Variants in SORCS3 observed in about 807,000 individuals in gnomAD.
SORCS3 encodes the protein VPS10 domain-containing receptor SorCS3.
SORCS3 carries 57 observed loss-of-function variants against 146.3 expected under a neutral mutation model. The ratio of observed to expected loss-of-function variants is 0.39; its 90% confidence interval spans 0.31 to 0.49. The LOEUF is 0.49. Among genes scored for constraint, SORCS3 ranks in the 20% least tolerant of loss-of-function variants. The probability of loss-of-function intolerance (pLI) is 0.92; values close to 1 mark genes in which losing one functional copy is unlikely to be tolerated. For synonymous variants in SORCS3, 653 were observed against 618.5 expected (o/e 1.06, Z -0.83); for missense variants, 1,341 against 1,575.5 (o/e 0.85, Z 2.52).
At chr10:104,862,526 AC>A (rs969747136) in intron 2 of SORCS3, among the ~76,000 whole-genome samples, 5 of 152,054 alleles carry the variant, frequency 3.3e-5, no homozygotes, top group African/African-American at 1.2e-4. Flanking sequence ...TGAGAATAAA[AC>A]TTTTTTCTTC....
At chr10:104,881,219 A>T (rs757340399) in intron 2 of SORCS3, among the ~76,000 whole-genome samples, 7 of 152,200 alleles carry the variant, frequency 4.6e-5, no homozygotes, top group Non-Finnish European at 1.0e-4. Context: ...CATGCACAGT[A>T]CAATGAGAGA....
chr10:104,722,219 G>C (rs1367280565), intron 1 of SORCS3, among the ~76,000 whole-genome samples: 1 of 152,102 alleles, frequency 6.6e-6, no homozygotes, highest in African/African-American at 2.4e-5. Flanking sequence ...GGCCTTTTCT[G>C]CATCTATTGA....
Position 105,113,255 on chromosome 10 carries a change from G to A in SORCS3, c.1212+7740G>A, listed in dbSNP as rs138852656. On this transcript the variant is annotated intron_variant, in intron 7 of 26. Coordinates refer to ENST00000369701, the MANE Select transcript of SORCS3 (RefSeq NM_014978.3). Reference sequence around the variant, plus strand: ...GACAGCTGAACCGTGTGGAATGCAGGTGAGATCCAGGCTCAAATCTTTTCT... The same window carrying A: ...GACAGCTGAACCGTGTGGAATGCAGATGAGATCCAGGCTCAAATCTTTTCT... Among the ~76,000 whole-genome samples, 99 of 152,302 alleles carry A rather than the reference G, an allele frequency of 6.5e-4. 2 individuals are homozygous for A. In the East Asian group the frequency reaches 0.019, roughly 29 times the overall value.
chr10:105,236,228 C>A (rs1370153462), intron 20 of SORCS3, among the ~76,000 whole-genome samples: 1 of 152,050 alleles, frequency 6.6e-6, no homozygotes, highest in African/African-American at 2.4e-5. Context: ...GTGAACATCC[C>A]AAATTCAAAC....
In SORCS3 at chr10:104,839,243, A is replaced by G. The variant is rs553344329; in HGVS notation, c.628-3549A>G. Among the ~76,000 whole-genome samples the G allele has an allele frequency of 2.0e-5, 3 of 152,290 alleles. No individual in the cohort carries two copies. The South Asian group carries it at 6.2e-4, about 32-fold the overall frequency. Reference sequence around the variant, plus strand: ...CATGTAACGTTCAGAAACTATCAATATAGTGTTTGTGATAAATTGCATGAC... The same window carrying G: ...CATGTAACGTTCAGAAACTATCAATGTAGTGTTTGTGATAAATTGCATGAC... On this transcript the variant is annotated intron_variant, in intron 1 of 26. Transcript: ENST00000369701.
intron 2 of SORCS3, 48 bp from the exon 3 acceptor site, chr10:104,915,785 C>T (rs896160321): frequency 1.3e-6 from 2 of 1,516,892 alleles, no homozygotes; most frequent in African/African-American, 1.4e-5. Context: ...ACATAGCTGC[C>T]CATTGGTAAA....
At chr10:105,210,735 A>G (rs1236196644) in intron 16 of SORCS3, among the ~76,000 whole-genome samples, 1 of 152,188 alleles carries the variant, frequency 6.6e-6, no homozygotes, top group Non-Finnish European at 1.5e-5. Flanking sequence ...ATGGACATGT[A>G]TATACTTGTT....
chr10:104,990,569 C>T (rs1321870172), intron 4 of SORCS3, among the ~76,000 whole-genome samples: 1 of 152,102 alleles, frequency 6.6e-6, no homozygotes, highest in Non-Finnish European at 1.5e-5. Flanking sequence ...TTCCTAATCT[C>T]TCCTGAACCC....
intron 1 of SORCS3, among the ~76,000 whole-genome samples, chr10:104,725,752 C>T (rs1247259557): frequency 3.9e-5 from 6 of 152,208 alleles, no homozygotes; most frequent in Admixed American, 6.5e-5. Context: ...AGCGAGGCTC[C>T]GTGGGCATAG....
chr10:104,831,741 A>G (rs2018002891), intron 1 of SORCS3, among the ~76,000 whole-genome samples: 1 of 152,202 alleles, frequency 6.6e-6, no homozygotes, highest in Non-Finnish European at 1.5e-5. Context: ...GGAATGTTCA[A>G]AAGACCAGTG....
intron 2 of SORCS3, among the ~76,000 whole-genome samples, chr10:104,847,765 C>A (rs996831891): frequency 2.0e-5 from 3 of 152,132 alleles, no homozygotes; most frequent in Non-Finnish European, 4.4e-5. Context: ...CTTTATTGCA[C>A]CCACCCTTAG....
At chr10:104,843,160 C>G (rs141843044) in intron 2 of SORCS3, among the ~76,000 whole-genome samples, 20 of 152,210 alleles carry the variant, frequency 1.3e-4, no homozygotes, top group African/African-American at 2.2e-4. Flanking sequence ...TAAACATGCA[C>G]GAGTAGAGGT....
chr10:105,222,432 G>T (rs893376489), intron 19 of SORCS3, among the ~76,000 whole-genome samples: 2 of 152,048 alleles, frequency 1.3e-5, no homozygotes, highest in East Asian at 1.9e-4. Flanking sequence ...TTATTGCCTA[G>T]GGTGTGTTCA....
At chr10:105,049,384 C>A (rs887306185) in intron 5 of SORCS3, among the ~76,000 whole-genome samples, 5 of 151,998 alleles carry the variant, frequency 3.3e-5, no homozygotes, top group Non-Finnish European at 1.5e-5. Context: ...TCCAGAACTC[C>A]CCTTACACCC....
chr10:105,007,944 T>A (rs573820192), intron 4 of SORCS3, among the ~76,000 whole-genome samples: 1 of 152,034 alleles, frequency 6.6e-6, no homozygotes, highest in Non-Finnish European at 1.5e-5. Context: ...ACTGGACTTA[T>A]CACAATAAAG....
chr10:104,851,699 CCTAT>C (rs879726309), intron 2 of SORCS3, among the ~76,000 whole-genome samples: 7 of 152,174 alleles, frequency 4.6e-5, no homozygotes, highest in African/African-American at 1.2e-4. Context: ...TCACACAGAG[CCTAT>C]CTATTTTCAA....
intron 4 of SORCS3, among the ~76,000 whole-genome samples, chr10:105,025,546 GATAA>G (rs1316744160): frequency 6.6e-6 from 1 of 152,120 alleles, no homozygotes; most frequent in Non-Finnish European, 1.5e-5. Flanking sequence ...TCTTTCTTCA[GATAA>G]ATTGGAGTTT....
chr10:104,937,288 C>A (rs1047991620), intron 3 of SORCS3, among the ~76,000 whole-genome samples: 1 of 152,120 alleles, frequency 6.6e-6, no homozygotes, highest in Non-Finnish European at 1.5e-5. Flanking sequence ...GGTTGAGGAC[C>A]CTTGCTTCAA....
At chr10:104,990,848 C>T (rs1257371802) in intron 4 of SORCS3, among the ~76,000 whole-genome samples, 1 of 152,182 alleles carries the variant, frequency 6.6e-6, no homozygotes, top group Non-Finnish European at 1.5e-5. Flanking sequence ...AGAAGGAATG[C>T]AGTCTGGCTA....
Sources: allele counts gnomAD v4.1 joint callset (sites outside exome capture counted in the v4.1 genomes callset), GRCh38; gene constraint gnomAD v4.1.1; transcripts MANE v1.5; gene names NCBI Gene and HGNC (gene_info 2026-07-23, HGNC 2026-07-21).